ERBB4: variants seen among roughly 807,000 people sequenced by gnomAD.
The protein encoded by ERBB4 is erb-b2 receptor tyrosine kinase 4, also known as receptor tyrosine-protein kinase erbB-4.
A neutral mutation model predicts 158.0 loss-of-function variants in ERBB4; 42 were observed. The observed-to-expected ratio is 0.27, with a 90% CI of 0.21 to 0.34. The LOEUF (loss-of-function observed/expected upper bound fraction) is 0.34. ERBB4 is among the 10% of genes least tolerant of loss of function. The probability of loss-of-function intolerance (pLI) is 1.00; values close to 1 mark genes in which losing one functional copy is unlikely to be tolerated. For missense variants in ERBB4, 1,333 were observed against 1,624.1 expected, an observed-to-expected ratio of 0.82 and a Z score of 3.08; for synonymous variants, 583 against 558.7, an observed-to-expected ratio of 1.04 and a Z score of -0.61.
intron 25 of ERBB4, among the ~76,000 whole-genome samples, chr2:211,399,929 A>C (rs920620592): frequency 2.0e-5 from 3 of 152,292 alleles, no homozygotes; most frequent in African/African-American, 7.2e-5. Flanking sequence ...ACCTAACTGC[A>C]TTTCCACACT....
chr2:211,489,467 A>T (rs550927665), intron 20 of ERBB4, among the ~76,000 whole-genome samples: 2 of 152,116 alleles, frequency 1.3e-5, no homozygotes, highest in South Asian at 4.1e-4. Context: ...AACGTAAAAA[A>T]CTTTGAACAA....
chr2:212,126,091 T>G (rs1041195772), intron 1 of ERBB4, among the ~76,000 whole-genome samples: 3 of 152,208 alleles, frequency 2.0e-5, no homozygotes, highest in African/African-American at 7.2e-5. Flanking sequence ...TGAGGTATAA[T>G]GGACTGATAA....
chr2:211,725,012 T>A (rs1559460813), intron 6 of ERBB4, 64 bp downstream of exon 6: 1 of 1,160,318 alleles, frequency 8.6e-7, no homozygotes, highest in Non-Finnish European at 1.3e-6. Context: ...AGATTCAGTA[T>A]GCCTGAATCA....
intron 1 of ERBB4, among the ~76,000 whole-genome samples, chr2:212,192,976 C>T (rs1012159405): frequency 1.3e-5 from 2 of 152,138 alleles, no homozygotes; most frequent in Non-Finnish European, 2.9e-5. Context: ...TTTACGAAAG[C>T]TCCCTTTTGT....
At chr2:212,422,500 AACAC>A (rs56308920) in intron 1 of ERBB4, among the ~76,000 whole-genome samples, 54 of 148,650 alleles carry the variant, frequency 3.6e-4, no homozygotes, top group African/African-American at 4.2e-4. Context: ...TTGGACTCAA[AACAC>A]ACACACACAC....
chr2:212,033,292 C>T (rs2076943551), intron 2 of ERBB4, among the ~76,000 whole-genome samples: 1 of 151,884 alleles, frequency 6.6e-6, no homozygotes. Context: ...GTGGAGGACC[C>T]TTGGGATCTC....
chr2:212,171,160 T>A (rs1411549161), intron 1 of ERBB4, among the ~76,000 whole-genome samples: 1 of 151,988 alleles, frequency 6.6e-6, no homozygotes, highest in Non-Finnish European at 1.5e-5. Flanking sequence ...AGACATGGGG[T>A]CAAAGGAGAT....
chr2:211,640,140 TTTTATACTGAAAGAAGA>T (rs1170048440), intron 16 of ERBB4, among the ~76,000 whole-genome samples: 1 of 152,144 alleles, frequency 6.6e-6, no homozygotes, highest in Non-Finnish European at 1.5e-5. Flanking sequence ...CCAATCCTTG[TTTTATACTGAAAGAAGA>T]TTTTTTTAAA....
At chr2:211,942,347 T>TTTAA (rs2080525312) in intron 3 of ERBB4, among the ~76,000 whole-genome samples, 1 of 150,708 alleles carries the variant, frequency 6.6e-6, no homozygotes. Context: ...TATTTATTTA[T>TTTAA]TTATTTATTT....
At chr2:212,529,335 T>A (rs1457091532) in intron 1 of ERBB4, among the ~76,000 whole-genome samples, 1 of 152,190 alleles carries the variant, frequency 6.6e-6, no homozygotes, top group Non-Finnish European at 1.5e-5. Flanking sequence ...ATTCCACATA[T>A]ATTTAACTTG....
At chr2:211,818,697 C>T (rs1055989663) in intron 3 of ERBB4, among the ~76,000 whole-genome samples, 1 of 152,044 alleles carries the variant, frequency 6.6e-6, no homozygotes, top group Admixed American at 6.6e-5. Flanking sequence ...AACTCAACTA[C>T]ATATTTCCAT....
At chr2:212,419,252 C>G (rs976042359) in intron 1 of ERBB4, among the ~76,000 whole-genome samples, 1 of 151,794 alleles carries the variant, frequency 6.6e-6, no homozygotes, top group East Asian at 1.9e-4. Flanking sequence ...AGTCAATCTA[C>G]GAATGACACT....
chr2:212,327,480 A>G (rs1323999692), intron 1 of ERBB4, among the ~76,000 whole-genome samples: 1 of 151,902 alleles, frequency 6.6e-6, no homozygotes, highest in African/African-American at 2.4e-5. Flanking sequence ...TTAACAAGAA[A>G]AGAACCCAGA....
At chr2:211,556,484 C>T (rs992192232) in intron 20 of ERBB4, among the ~76,000 whole-genome samples, 1 of 152,106 alleles carries the variant, frequency 6.6e-6, no homozygotes, top group African/African-American at 2.4e-5. Context: ...ATAGAATATA[C>T]TTTCTTCTTT....
chr2:212,211,104 G>A (rs187073093), intron 1 of ERBB4, among the ~76,000 whole-genome samples: 1 of 152,156 alleles, frequency 6.6e-6, no homozygotes. Context: ...ACTCACTAGT[G>A]CTATAAACTC....
intron 3 of ERBB4, among the ~76,000 whole-genome samples, chr2:211,798,579 G>C (rs149861905): frequency 6.6e-6 from 1 of 152,106 alleles, no homozygotes; most frequent in African/African-American, 2.4e-5. Flanking sequence ...TGTTCAAAAG[G>C]TACTAGCTAT....
chr2:212,014,889 C>T lies in ERBB4; in HGVS notation c.235-67273G>A, dbSNP rs554274209. Among the ~76,000 whole-genome samples the T allele has an allele frequency of 4.6e-5, 7 of 151,242 alleles. No individual in the cohort carries two copies. The Admixed American group carries it at 4.6e-4, about 10-fold the overall frequency. The stretch of plus-strand genomic sequence containing the variant: ...TAGCTTGTATATTATAACCTCTTTT[C>T]CTCTTTTAAGTATTTTTCTTCAGCC... On this transcript the variant is annotated intron_variant, in intron 2 of 27. Coordinates refer to ENST00000342788, the MANE Select transcript of ERBB4 (RefSeq NM_005235.3).
At chr2:212,188,505 CTAA>C (rs2082097093) in intron 1 of ERBB4, among the ~76,000 whole-genome samples, 1 of 151,774 alleles carries the variant, frequency 6.6e-6, no homozygotes. Flanking sequence ...AACAGAAAAG[CTAA>C]TGATGGCAGT....
chr2:211,933,106 C>T lies in ERBB4; in HGVS notation c.421+14324G>A, dbSNP rs191183053. The stretch of plus-strand genomic sequence containing the variant: ...TTAGGTTCTCGTAATTTTTAAGAGG[C>T]GCTTGAGCCAAGACACTAATTCTTG... On this transcript the variant is annotated intron_variant, in intron 3 of 27. Transcript: ENST00000342788. 2.0e-3 allele frequency among the ~76,000 whole-genome samples: 305 copies of T among 152,046 alleles called. 1 individual carries two copies. Among genetic ancestry groups the T allele is most frequent in the African/African-American group, 6.9e-3 (286 of 41,534 alleles).
Sources: gnomAD v4.1 joint callset for allele counts (sites outside exome capture counted in the v4.1 genomes callset) on GRCh38, gnomAD v4.1.1 for gene constraint, MANE v1.5 for transcripts, NCBI Gene and HGNC (gene_info 2026-07-23, HGNC 2026-07-21) for gene names.